Variants in IFT140 observed in about 807,000 individuals in gnomAD.
IFT140 encodes intraflagellar transport protein 140 homolog.
In IFT140, 133 loss-of-function variants were observed where a neutral mutation model predicts 164.6. That is an observed-to-expected ratio of 0.81 (90% CI 0.70 to 0.93). The LOEUF is 0.93. Ranked by LOEUF, IFT140 falls within the 40% of genes least tolerant of loss-of-function variation. The probability of loss-of-function intolerance (pLI) is 0.00; values close to 1 mark genes in which losing one functional copy is unlikely to be tolerated. For synonymous variants in IFT140, 860 were observed against 817.3 expected (o/e 1.05, Z -0.89); for missense variants, 2,045 against 1,972.3 (o/e 1.04, Z -0.70).
At chr16:1,513,678 T>C (rs908996580) in intron 30 of IFT140, among the ~76,000 whole-genome samples, 11 of 151,136 alleles carry the variant, frequency 7.3e-5, no homozygotes, top group Non-Finnish European at 1.5e-4. Context: ...TTTCTTTTTT[T>C]TTTTTTCTTT....
At chr16:1,550,281 CAG>C in intron 19 of IFT140, among the ~76,000 whole-genome samples, 1 of 152,332 alleles carries the variant, frequency 6.6e-6, no homozygotes, top group South Asian at 2.1e-4. Flanking sequence ...TGGAAGCAGA[CAG>C]ATGCTCTGAG....
At chr16:1,525,170 G>A (rs1292259360) in intron 22 of IFT140, 61 bp downstream of exon 22, 2 of 1,375,868 alleles carry the variant, frequency 1.5e-6, no homozygotes, top group Non-Finnish European at 2.1e-6. Context: ...AGCAAGCCCT[G>A]GGGTCCCTGC....
chr16:1,519,477 G>T (rs2040456084), intron 29 of IFT140, among the ~76,000 whole-genome samples: 1 of 152,112 alleles, frequency 6.6e-6, no homozygotes, highest in Admixed American at 6.5e-5. Context: ...GCTGGTGGCA[G>T]TTGACCTGTG....
intron 3 of IFT140, 37 bp downstream of exon 3, chr16:1,607,081 AAG>A (rs1302473436): frequency 2.6e-5 from 42 of 1,599,930 alleles, no homozygotes; most frequent in Non-Finnish European, 3.2e-5. Context: ...CATGAGCCAG[AAG>A]CTACCACAGT....
chr16:1,536,102 A>G (rs1217169743), intron 19 of IFT140, among the ~76,000 whole-genome samples: 4 of 152,114 alleles, frequency 2.6e-5, no homozygotes, highest in Non-Finnish European at 5.9e-5. Context: ...CCCCCGGGGG[A>G]GGGAGTTCCC....
chr16:1,561,583 T>C (rs1209686789), intron 18 of IFT140, among the ~76,000 whole-genome samples: 1 of 152,202 alleles, frequency 6.6e-6, no homozygotes, highest in Non-Finnish European at 1.5e-5. Flanking sequence ...CTAAGATCCC[T>C]ACAGTGAATA....
Position 1,524,645 on chromosome 16 carries a change from G to A in IFT140, c.3048C>T (p.Leu1016=), listed in dbSNP as rs753196603. The change falls in exon 24 of 31, where the codon CTC becomes CTT. Residue 1016 remains leucine (L), a synonymous_variant. Coordinates refer to ENST00000426508, the MANE Select transcript of IFT140 (RefSeq NM_014714.4). ...ETGNLAASYH[L]ARQYESQEEV... Reference sequence around the variant, plus strand: ...CCTCCTGGCTCTCGTACTGGCGGGCGAGGTGGTAGGAGGCCGCCAGGTTTC... The same window carrying A: ...CCTCCTGGCTCTCGTACTGGCGGGCAAGGTGGTAGGAGGCCGCCAGGTTTC... 63 of 1,588,140 alleles carry A rather than the reference G, an allele frequency of 4.0e-5. No homozygotes were observed. Among genetic ancestry groups the A allele is most frequent in the Non-Finnish European group, 5.2e-5 (60 of 1,163,782 alleles).
At chr16:1,601,314 G>C (rs912452127) in intron 4 of IFT140, among the ~76,000 whole-genome samples, 1 of 151,546 alleles carries the variant, frequency 6.6e-6, no homozygotes, top group Non-Finnish European at 1.5e-5. Flanking sequence ...GAAATGCAAC[G>C]TATGAGCCTT....
intron 11 of IFT140, 88 bp from the exon 12 acceptor site, chr16:1,583,474 T>C: frequency 1.9e-6 from 2 of 1,029,322 alleles, no homozygotes; most frequent in Non-Finnish European, 3.0e-6. Context: ...AAGCCTCCTC[T>C]AAACACTTCT....
chr16:1,525,341 G>A lies in IFT140; in HGVS notation c.2769-15C>T. ...ACTTCTCGTAGCTGTGAGAGAAGGA[G>A]ACAGAGGTCCTCGTTCCCTCCCATC... On this transcript the variant is annotated splice_polypyrimidine_tract_variant and intron_variant, in intron 21 of 30. Coordinates refer to ENST00000426508, the MANE Select transcript of IFT140 (RefSeq NM_014714.4). 2 of 1,601,260 alleles carry A rather than the reference G, an allele frequency of 1.2e-6. No homozygotes were observed. Among genetic ancestry groups the A allele is most frequent in the Non-Finnish European group, 1.7e-6 (2 of 1,172,054 alleles).
chr16:1,582,669 C>T (rs958317503), intron 12 of IFT140, among the ~76,000 whole-genome samples: 2 of 152,216 alleles, frequency 1.3e-5, no homozygotes, highest in Middle Eastern at 3.2e-3. Context: ...TTTGGGAGGC[C>T]GAGGCAGGCA....
chr16:1,569,302 T>C (rs1416063694), intron 14 of IFT140, among the ~76,000 whole-genome samples: 2 of 151,828 alleles, frequency 1.3e-5, no homozygotes, highest in Non-Finnish European at 2.9e-5. Flanking sequence ...GCCACCGCGC[T>C]CGGCCGTGGA....
chr16:1,518,384 G>A (rs1405346588), intron 29 of IFT140, 27 bp from the exon 30 acceptor site: 4 of 1,601,760 alleles, frequency 2.5e-6, no homozygotes, highest in African/African-American at 2.7e-5. Flanking sequence ...TGAGGCCTGG[G>A]CCCCGAAGCC....
At chr16:1,597,392 G>A (rs963417161) in intron 4 of IFT140, among the ~76,000 whole-genome samples, 1 of 152,198 alleles carries the variant, frequency 6.6e-6, no homozygotes, top group Admixed American at 6.5e-5. Context: ...CTGGACTTGG[G>A]ACAGGGAGCA....
intron 26 of IFT140, 144 bp from the exon 27 acceptor site, chr16:1,520,952 A>G (rs1232153778): frequency 1.5e-6 from 1 of 658,446 alleles, no homozygotes; most frequent in Non-Finnish European, 2.6e-6. Flanking sequence ...GGAGGGGACA[A>G]GGATGTCTCC....
chr16:1,607,062 CACAA>C, intron 3 of IFT140, 54 bp downstream of exon 3: 1 of 1,573,114 alleles, frequency 6.4e-7, no homozygotes, highest in Non-Finnish European at 8.7e-7. Flanking sequence ...ACAACAGCAA[CACAA>C]ACAACATGAG....
chr16:1,607,478 A>C lies in IFT140; in HGVS notation c.-31-181T>G, dbSNP rs568646715. 3.3e-5 allele frequency among the ~76,000 whole-genome samples: 5 copies of C among 152,356 alleles called. 1 individual carries two copies. In the South Asian group the frequency reaches 1.0e-3, roughly 32 times the overall value. ...GCGAGGAGATCTCCAACAGGGAGAC[A>C]TGCAGAAGAGAAGCAGTTAGACCCG... On this transcript the variant is annotated intron_variant, in intron 2 of 30. Coordinates refer to ENST00000426508, the MANE Select transcript of IFT140 (RefSeq NM_014714.4).
At chr16:1,589,844 C>A in intron 6 of IFT140, 64 bp from the exon 7 acceptor site, 3 of 1,401,000 alleles carry the variant, frequency 2.1e-6, no homozygotes, top group Non-Finnish European at 1.0e-6. Context: ...ATGACCCTCA[C>A]CAGCAGCCAT....
intron 13 of IFT140, chr16:1,576,742 C>A (rs2034300313): frequency 6.6e-6 from 1 of 152,106 alleles, no homozygotes; most frequent in Non-Finnish European, 1.5e-5. Flanking sequence ...CTTTTATCAG[C>A]CACGTCCATA....
Sources: allele counts gnomAD v4.1 joint callset (sites outside exome capture counted in the v4.1 genomes callset), GRCh38; gene constraint gnomAD v4.1.1; transcripts MANE v1.5; gene names NCBI Gene and HGNC (gene_info 2026-07-23, HGNC 2026-07-21).